XIRP2: variants seen among roughly 807,000 people sequenced by gnomAD.
XIRP2 encodes the protein xin actin-binding repeat-containing protein 2.
Under a neutral mutation model 277.0 loss-of-function variants are expected in XIRP2, and 236 were observed. The observed-to-expected ratio is 0.85, with a 90% confidence interval of 0.77 to 0.95. XIRP2 has a LOEUF of 0.95. XIRP2 is among the 40% of genes least tolerant of loss of function. XIRP2 has a pLI of 0.00. For missense variants in XIRP2, 4,640 were observed against 4,157.5 expected, an observed-to-expected ratio of 1.12 and a Z score of -3.19; for synonymous variants, 1,490 against 1,416.5, an observed-to-expected ratio of 1.05 and a Z score of -1.17.
chr2:166,941,555 C>G (rs1685718082), intron 2 of XIRP2, among the ~76,000 whole-genome samples: 1 of 152,226 alleles, frequency 6.6e-6, no homozygotes, highest in Non-Finnish European at 1.5e-5. Flanking sequence ...GAGCTGTAGA[C>G]TGGAGCTGTT....
At chr2:167,165,053 G>A (rs7607000) in intron 3 of XIRP2, among the ~76,000 whole-genome samples, 15,047 of 151,984 alleles carry the variant, frequency 0.099, 799 homozygotes, top group South Asian at 0.16. Flanking sequence ...TATTGTCTCC[G>A]TAGCTTTGCC....
chr2:167,249,949 G>A lies in XIRP2; in HGVS notation c.8557G>A (p.Val2853Ile), dbSNP rs371556821. The change falls in exon 9 of 11, where the codon GTC becomes ATC. Residue 2853 changes from valine to isoleucine, a missense_variant. Physicochemically the swap from Val to Ile is conservative, Grantham distance 29. Transcript: ENST00000409195. Reference sequence around the variant, plus strand: ...GAAGAATAAATCAGCACCAAAGGTCGTCAAGCAAAAGGTTATCGATGCACA... The same window carrying A: ...GAAGAATAAATCAGCACCAAAGGTCATCAAGCAAAAGGTTATCGATGCACA... ...HLKNKSAPKV[V>I]KQKVIDAHLD... 78 of 1,613,466 alleles carry A rather than the reference G, an allele frequency of 4.8e-5. No homozygotes were observed. The highest frequency in any genetic ancestry group is 1.6e-4 in the Middle Eastern group (1 of 6,078).
At chr2:167,127,996 C>A (rs773287632) in intron 2 of XIRP2, among the ~76,000 whole-genome samples, 1 of 152,212 alleles carries the variant, frequency 6.6e-6, no homozygotes, top group Non-Finnish European at 1.5e-5. Context: ...TCTTTGTGGT[C>A]AGTCCGGAAG....
chr2:167,143,935 T>C (rs1476656589), intron 3 of XIRP2, among the ~76,000 whole-genome samples: 1 of 152,158 alleles, frequency 6.6e-6, no homozygotes, highest in Non-Finnish European at 1.5e-5. Flanking sequence ...GTTTTTAATG[T>C]ATTTTTATTT....
intron 2 of XIRP2, among the ~76,000 whole-genome samples, chr2:167,033,654 T>C (rs1323098084): frequency 6.6e-6 from 1 of 151,236 alleles, no homozygotes; most frequent in Non-Finnish European, 1.5e-5. Flanking sequence ...ACAAATAACA[T>C]ACAAAGGAGC....
At chr2:166,950,387 G>C (rs1284796580) in intron 2 of XIRP2, among the ~76,000 whole-genome samples, 4 of 151,844 alleles carry the variant, frequency 2.6e-5, no homozygotes, top group African/African-American at 4.8e-5. Flanking sequence ...TGAGGTCTTG[G>C]GAGTAGTTAC....
intron 2 of XIRP2, among the ~76,000 whole-genome samples, chr2:167,119,342 T>C (rs1467171076): frequency 6.6e-6 from 1 of 152,214 alleles, no homozygotes; most frequent in Non-Finnish European, 1.5e-5. Flanking sequence ...TTTTAAAGGA[T>C]ACAGTATCTC....
At chr2:167,027,927 A>T (rs1352917494) in intron 2 of XIRP2, among the ~76,000 whole-genome samples, 1 of 152,076 alleles carries the variant, frequency 6.6e-6, no homozygotes, top group Non-Finnish European at 1.5e-5. Flanking sequence ...AAATATTTTA[A>T]AGAAAATAGT....
chr2:167,252,214 A>C (rs1574003149), intron 9 of XIRP2, among the ~76,000 whole-genome samples: 1 of 152,044 alleles, frequency 6.6e-6, no homozygotes, highest in African/African-American at 2.4e-5. Context: ...TGTCAAGGTA[A>C]ATAAGGCTTT....
intron 2 of XIRP2, among the ~76,000 whole-genome samples, chr2:167,059,985 A>T (rs999618441): frequency 6.6e-6 from 1 of 152,154 alleles, no homozygotes; most frequent in Non-Finnish European, 1.5e-5. Flanking sequence ...AGCCCTGGAG[A>T]ACTGGTGGAC....
Position 167,248,582 on chromosome 2 carries a change from C to A in XIRP2, c.7190C>A (p.Ser2397Tyr), listed in dbSNP as rs1451261304. ...KHSGDFMQQY[S>Y]QKEASNSQNS... ...AGTGGAGACTTCATGCAACAATATTCCCAAAAAGAAGCCTCGAACTCTCAG... is the reference window on the plus strand; with the variant it reads ...AGTGGAGACTTCATGCAACAATATTACCAAAAAGAAGCCTCGAACTCTCAG... Residue 2397 changes from serine to tyrosine, a missense_variant, in exon 9 of 11, where the codon TCC becomes TAC. Physicochemically the swap from Ser to Tyr is moderately radical, Grantham distance 144. Transcript: ENST00000409195. The A allele has an allele frequency of 1.8e-5, 29 of 1,613,652 alleles. No individual in the cohort carries two copies. In the Admixed American group the frequency reaches 4.7e-4, roughly 26 times the overall value.
At chr2:166,914,371 C>T (rs1388756349) in intron 2 of XIRP2, among the ~76,000 whole-genome samples, 16 of 152,084 alleles carry the variant, frequency 1.1e-4, no homozygotes, top group Admixed American at 9.8e-4. Context: ...GATGGAGTCT[C>T]GCTCTGTCAC....
At position 167,250,863 on chromosome 2, in the gene XIRP2, GC is replaced by G; in HGVS notation, c.9474del (p.Met3159CysfsTer50). Reference sequence around the variant, plus strand: ...GTTATGTTGAACCCCCACCAAGAAGGCCCATGTCGCAAAAATCTGAAATTCA... The same window carrying G: ...GTTATGTTGAACCCCCACCAAGAAGGCCATGTCGCAAAAATCTGAAATTCA... ...DSYVEPPPRR[P>X]MSQKSEIHRA... is the part of the protein sequence containing the mutation. On this transcript the variant is annotated frameshift_variant, in exon 9 of 11. Transcript: ENST00000409195. LOFTEE classifies it high-confidence loss of function. The G allele has an allele frequency of 6.2e-7, 1 of 1,613,232 alleles. No individual in the cohort carries two copies. The highest frequency in any genetic ancestry group is 8.5e-7 in the Non-Finnish European group (1 of 1,179,632).
Position 167,251,181 on chromosome 2 carries a change from G to T in XIRP2, c.9789G>T (p.Arg3263Ser), listed in dbSNP as rs1484766449. The T allele has an allele frequency of 1.2e-6, 2 of 1,613,380 alleles. No homozygotes were observed. The highest frequency in any genetic ancestry group is 1.7e-6 in the Non-Finnish European group (2 of 1,179,730). Residue 3263 changes from arginine to serine, a missense_variant, in exon 9 of 11, where the codon AGG (arginine) becomes AGT (serine). Physicochemically the swap from Arg to Ser is moderately radical, Grantham distance 110. Transcript: ENST00000409195. ...RESVDAQEEIRKVEKRATYVH... is the reference protein window; with the variant it reads ...RESVDAQEEISKVEKRATYVH... ...CTGTGGACGCTCAAGAGGAAATCAG[G>T]AAAGTGGAGAAGAGAGCTACTTATG...
chr2:166,988,508 G>C (rs1219034488), intron 2 of XIRP2, among the ~76,000 whole-genome samples: 1 of 134,254 alleles, frequency 7.4e-6, no homozygotes, highest in African/African-American at 3.0e-5. Context: ...CTCCCAGCGT[G>C]AGCGACGCAG....
rs1690200161 is a variant in XIRP2, at chr2:167,093,248, A to G, written c.409-42661A>G. Among the ~76,000 whole-genome samples the G allele has an allele frequency of 2.0e-5, 3 of 151,614 alleles. No individual in the cohort carries two copies. In the South Asian group the frequency reaches 6.2e-4, roughly 31 times the overall value. Reference sequence around the variant, plus strand: ...GAATATTAATATTAAATAATTGATTAGTATAATTATCAAGTGTATGTTTGA... The same window carrying G: ...GAATATTAATATTAAATAATTGATTGGTATAATTATCAAGTGTATGTTTGA... On this transcript the variant is annotated intron_variant, in intron 2 of 10. Coordinates refer to ENST00000409195, the MANE Select transcript of XIRP2 (RefSeq NM_152381.6).
chr2:167,019,101 C>T (rs1483966398), intron 2 of XIRP2, among the ~76,000 whole-genome samples: 1 of 152,030 alleles, frequency 6.6e-6, no homozygotes, highest in East Asian at 1.9e-4. Flanking sequence ...CTGTACAACA[C>T]AGAGATGAAA....
intron 2 of XIRP2, among the ~76,000 whole-genome samples, chr2:167,002,996 C>G (rs1039355369): frequency 6.6e-6 from 1 of 151,844 alleles, no homozygotes; most frequent in Non-Finnish European, 1.5e-5. Flanking sequence ...GCATATTACT[C>G]AGAACCATCA....
intron 2 of XIRP2, among the ~76,000 whole-genome samples, chr2:167,130,258 C>T (rs928933932): frequency 6.6e-6 from 1 of 152,110 alleles, no homozygotes; most frequent in Admixed American, 6.6e-5. Flanking sequence ...ATCTGAGACT[C>T]ATTCAGTCAG....
Sources: allele counts gnomAD v4.1 joint callset (sites outside exome capture counted in the v4.1 genomes callset), GRCh38; gene constraint gnomAD v4.1.1; transcripts MANE v1.5; gene names NCBI Gene and HGNC (gene_info 2026-07-23, HGNC 2026-07-21).